Variants in MMS22L observed in about 807,000 individuals in gnomAD.
MMS22L encodes protein MMS22-like.
In MMS22L, 74 loss-of-function variants were observed where a neutral mutation model predicts 159.1. The observed-to-expected ratio is 0.47, with a 90% CI of 0.39 to 0.56. The LOEUF (loss-of-function observed/expected upper bound fraction) is 0.56, where lower values mean the gene tolerates loss of function less well. MMS22L is among the 20% of genes least tolerant of loss of function. MMS22L has a pLI of 0.00. For missense variants in MMS22L, 1,351 were observed against 1,422.1 expected, an observed-to-expected ratio of 0.95 and a Z score of 0.80; for synonymous variants, 517 against 506.9, an observed-to-expected ratio of 1.02 and a Z score of -0.27.
chr6:97,168,878 A>G (rs1803245553), intron 19 of MMS22L, among the ~76,000 whole-genome samples: 1 of 152,090 alleles, frequency 6.6e-6, no homozygotes, highest in South Asian at 2.1e-4. Context: ...AGAATACTGT[A>G]GGATTATACA....
chr6:97,207,115 A>C (rs1807871523), intron 14 of MMS22L, among the ~76,000 whole-genome samples: 1 of 152,216 alleles, frequency 6.6e-6, no homozygotes, highest in African/African-American at 2.4e-5. Context: ...TCTATTTTAA[A>C]TATATAGGCA....
intron 22 of MMS22L, among the ~76,000 whole-genome samples, chr6:97,160,096 A>G (rs1354558468): frequency 2.0e-5 from 3 of 151,710 alleles, no homozygotes; most frequent in Non-Finnish European, 4.4e-5. Flanking sequence ...AGGCCCAACA[A>G]TATTATTTTA....
intron 14 of MMS22L, among the ~76,000 whole-genome samples, chr6:97,218,433 C>A (rs1049501284): frequency 2.6e-5 from 4 of 152,096 alleles, no homozygotes; most frequent in Non-Finnish European, 5.9e-5. Flanking sequence ...TAAATAAATA[C>A]AAGTTTCTTT....
chr6:97,280,605 C>G (rs1343670956), intron 3 of MMS22L, among the ~76,000 whole-genome samples: 1 of 152,080 alleles, frequency 6.6e-6, no homozygotes. Context: ...TGAGCCACCG[C>G]GCCTGGCCGT....
At chr6:97,273,929 G>C (rs927924018) in intron 4 of MMS22L, among the ~76,000 whole-genome samples, 2 of 152,082 alleles carry the variant, frequency 1.3e-5, no homozygotes, top group African/African-American at 4.8e-5. Flanking sequence ...CAAAACTCTT[G>C]AAAGAATACC....
chr6:97,213,071 G>A (rs909396953), intron 14 of MMS22L, among the ~76,000 whole-genome samples: 7 of 152,120 alleles, frequency 4.6e-5, no homozygotes, highest in Non-Finnish European at 1.0e-4. Context: ...GTGTGTGTCT[G>A]TAGACAGAGT....
At chr6:97,188,074 A>G (rs369849943) in intron 14 of MMS22L, among the ~76,000 whole-genome samples, 1 of 152,204 alleles carries the variant, frequency 6.6e-6, no homozygotes, top group African/African-American at 2.4e-5. Context: ...TTCAACTTGA[A>G]CTAGTGGCTA....
At chr6:97,282,078 T>C (rs1448983622) in intron 2 of MMS22L, among the ~76,000 whole-genome samples, 1 of 152,190 alleles carries the variant, frequency 6.6e-6, no homozygotes, top group East Asian at 1.9e-4. Flanking sequence ...CCCAGCTCCC[T>C]ACAGTAAGGG....
chr6:97,183,122 C>T (rs12190854), intron 15 of MMS22L, among the ~76,000 whole-genome samples: 63 of 152,040 alleles, frequency 4.1e-4, no homozygotes, highest in Non-Finnish European at 7.5e-4. Context: ...TTGTAAAGTA[C>T]CCCAATTTTT....
intron 11 of MMS22L, among the ~76,000 whole-genome samples, chr6:97,243,272 T>C (rs1019647036): frequency 6.6e-5 from 10 of 152,166 alleles, no homozygotes; most frequent in South Asian, 4.1e-4. Flanking sequence ...GTTCATTTTT[T>C]TAAAAAATTC....
At chr6:97,238,348 T>C (rs1193785524) in intron 11 of MMS22L, among the ~76,000 whole-genome samples, 1 of 152,216 alleles carries the variant, frequency 6.6e-6, no homozygotes, top group Non-Finnish European at 1.5e-5. Flanking sequence ...CATAGTATTG[T>C]TCCTTAAGAT....
chr6:97,242,840 G>A (rs1018907216), intron 11 of MMS22L, among the ~76,000 whole-genome samples: 5 of 152,168 alleles, frequency 3.3e-5, no homozygotes, highest in African/African-American at 1.2e-4. Flanking sequence ...CATTTATGAA[G>A]CTTAGTTTCA....
At chr6:97,250,232 A>T (rs1813102237) in intron 10 of MMS22L, among the ~76,000 whole-genome samples, 1 of 152,184 alleles carries the variant, frequency 6.6e-6, no homozygotes, top group Non-Finnish European at 1.5e-5. Context: ...TTATTTCAGC[A>T]TTAAAACTAA....
At chr6:97,195,871 T>A (rs897708732) in intron 14 of MMS22L, among the ~76,000 whole-genome samples, 2 of 152,158 alleles carry the variant, frequency 1.3e-5, no homozygotes, top group Non-Finnish European at 2.9e-5. Flanking sequence ...TCAGTTACTT[T>A]ATGAAGGAAA....
At chr6:97,257,321 G>A (rs1813925046) in intron 9 of MMS22L, among the ~76,000 whole-genome samples, 1 of 152,156 alleles carries the variant, frequency 6.6e-6, no homozygotes, top group African/African-American at 2.4e-5. Flanking sequence ...ATCATAAGGT[G>A]CATTTAGCTA....
intron 14 of MMS22L, among the ~76,000 whole-genome samples, chr6:97,191,712 T>C (rs1045664511): frequency 2.0e-5 from 3 of 152,188 alleles, no homozygotes; most frequent in African/African-American, 7.2e-5. Flanking sequence ...GGACACTCTA[T>C]AACCATTTTT....
At chr6:97,252,887 T>C (rs983370198) in intron 10 of MMS22L, among the ~76,000 whole-genome samples, 3 of 152,190 alleles carry the variant, frequency 2.0e-5, no homozygotes, top group African/African-American at 7.2e-5. Flanking sequence ...AATATAGTTC[T>C]AATATTCTAA....
intron 9 of MMS22L, chr6:97,258,947 AT>A (rs1220138379): frequency 6.6e-6 from 1 of 152,126 alleles, no homozygotes; most frequent in Non-Finnish European, 1.5e-5. Flanking sequence ...GATTGATTTA[AT>A]TTTAGGGCAT....
At position 97,212,705 on chromosome 6, in the gene MMS22L, C is replaced by T. The variant is rs149471136; in HGVS notation, c.2039+16189G>A. 3.0e-3 allele frequency among the ~76,000 whole-genome samples: 456 copies of T among 152,262 alleles called. 2 individuals carry two copies. Among genetic ancestry groups the T allele is most frequent in the Middle Eastern group, 3.4e-3 (1 of 294 alleles). Reference sequence around the variant, plus strand: ...AGAGCAGAGTCAGGATTCAAATTCACATTTGTAACATTTTGAAAAATACAG... The same window carrying T: ...AGAGCAGAGTCAGGATTCAAATTCATATTTGTAACATTTTGAAAAATACAG... On this transcript the variant is annotated intron_variant, in intron 14 of 24. Coordinates refer to ENST00000683635, the MANE Select transcript of MMS22L (RefSeq NM_001350599.2).
Sources: allele counts gnomAD v4.1 joint callset (sites outside exome capture counted in the v4.1 genomes callset), GRCh38; gene constraint gnomAD v4.1.1; transcripts MANE v1.5; gene names NCBI Gene and HGNC (gene_info 2026-07-23, HGNC 2026-07-21).